The following NRG3 variants were observed in gnomAD, a reference collection of about 807,000 sequenced individuals.
NRG3 encodes the protein pro-neuregulin-3, membrane-bound isoform.
NRG3 carries 31 observed loss-of-function variants against 66.9 expected under a neutral mutation model. The ratio of observed to expected loss-of-function variants is 0.46; its 90% confidence interval spans 0.35 to 0.63. The LOEUF is 0.63. Among genes scored for constraint, NRG3 ranks in the 20% least tolerant of loss-of-function variants. The pLI is 0.00. For synonymous variants in NRG3, 393 were observed against 359.4 expected (o/e 1.09, Z -1.06); for missense variants, 910 against 878.9 (o/e 1.04, Z -0.45).
At position 81,999,377 on chromosome 10, in the gene NRG3, G is replaced by C. The variant is rs530709649; in HGVS notation, c.823+123214G>C. Among the ~76,000 whole-genome samples the C allele has an allele frequency of 3.3e-5, 5 of 152,266 alleles. No individual in the cohort carries two copies. The South Asian group carries it at 1.0e-3, about 32-fold the overall frequency. ...GAAGTACGTTGGTGTTTTCAACTAA[G>C]TTATTTTGAAGAATTGAGATCATTC... is the stretch of plus-strand genomic sequence containing the variant. On this transcript the variant is annotated intron_variant, in intron 1 of 8. Coordinates refer to ENST00000372141, the MANE Select transcript of NRG3 (RefSeq NM_001010848.4).
At chr10:82,873,861 T>G (rs1419662747) in intron 4 of NRG3, among the ~76,000 whole-genome samples, 1 of 152,162 alleles carries the variant, frequency 6.6e-6, no homozygotes, top group Non-Finnish European at 1.5e-5. Flanking sequence ...GTTTTTAGGA[T>G]AGCATAATAT....
At chr10:82,368,945 C>A (rs2084711664) in intron 2 of NRG3, among the ~76,000 whole-genome samples, 1 of 138,260 alleles carries the variant, frequency 7.2e-6, no homozygotes, top group African/African-American at 3.4e-5. Context: ...TCTGCCGAGG[C>A]AATGAGGGAA....
chr10:82,551,045 G>A (rs1344110570), intron 2 of NRG3, among the ~76,000 whole-genome samples: 1 of 151,834 alleles, frequency 6.6e-6, no homozygotes, highest in Non-Finnish European at 1.5e-5. Flanking sequence ...TCTCATTAAC[G>A]ATTCATTAAA....
intron 1 of NRG3, among the ~76,000 whole-genome samples, chr10:82,103,391 A>G (rs1209516186): frequency 6.6e-6 from 1 of 152,158 alleles, no homozygotes; most frequent in Non-Finnish European, 1.5e-5. Context: ...CCTCTGAATG[A>G]TATTGCTTGT....
At chr10:82,498,632 G>C (rs1209621705) in intron 2 of NRG3, among the ~76,000 whole-genome samples, 2 of 152,146 alleles carry the variant, frequency 1.3e-5, no homozygotes, top group Non-Finnish European at 2.9e-5. Context: ...TGGCTGAGAA[G>C]AAAAGGACAT....
At chr10:82,565,914 A>C (rs1156653553) in intron 2 of NRG3, among the ~76,000 whole-genome samples, 1 of 152,112 alleles carries the variant, frequency 6.6e-6, no homozygotes, top group Admixed American at 6.6e-5. Flanking sequence ...CGCATGATAC[A>C]GACTTTAAAA....
chr10:82,964,155 A>G (rs527586863), intron 6 of NRG3, among the ~76,000 whole-genome samples: 67 of 152,342 alleles, frequency 4.4e-4, no homozygotes, highest in Admixed American at 2.0e-3. Context: ...GACAATACCT[A>G]TTAAGGAACA....
chr10:82,682,522 G>C (rs2054182548), intron 2 of NRG3, among the ~76,000 whole-genome samples: 1 of 152,094 alleles, frequency 6.6e-6, no homozygotes, highest in African/African-American at 2.4e-5. Context: ...ATTTAGTTAG[G>C]GTAAATAATA....
chr10:82,082,355 T>A (rs1339958090), intron 1 of NRG3, among the ~76,000 whole-genome samples: 1 of 152,228 alleles, frequency 6.6e-6, no homozygotes, highest in Non-Finnish European at 1.5e-5. Context: ...ATAAAGGACT[T>A]CTAGTTCAAA....
chr10:82,349,583 T>C (rs1433556010), intron 1 of NRG3, among the ~76,000 whole-genome samples: 2 of 151,990 alleles, frequency 1.3e-5, no homozygotes, highest in Non-Finnish European at 2.9e-5. Flanking sequence ...TGAGCTGTGG[T>C]GGGCTCCACC....
At chr10:82,935,754 G>T (rs540061035) in intron 4 of NRG3, among the ~76,000 whole-genome samples, 1 of 152,014 alleles carries the variant, frequency 6.6e-6, no homozygotes, top group Non-Finnish European at 1.5e-5. Context: ...CTCCCATGTA[G>T]CTGGGACTAC....
intron 2 of NRG3, among the ~76,000 whole-genome samples, chr10:82,697,008 T>A (rs1203614731): frequency 2.0e-5 from 3 of 152,230 alleles, no homozygotes; most frequent in African/African-American, 4.8e-5. Flanking sequence ...TGTTTACACT[T>A]GTTTCTCTCT....
intron 1 of NRG3, among the ~76,000 whole-genome samples, chr10:82,020,013 C>A (rs2061987980): frequency 6.6e-6 from 1 of 151,946 alleles, no homozygotes. Flanking sequence ...TTCTCTAGTT[C>A]TTTTAATTGT....
chr10:82,642,534 C>A (rs1487631209), intron 2 of NRG3, among the ~76,000 whole-genome samples: 3 of 151,198 alleles, frequency 2.0e-5, no homozygotes, highest in Non-Finnish European at 4.4e-5. Context: ...TATAGAAAAT[C>A]AGATGATGGA....
At chr10:82,052,732 ATGTT>A (rs1252879979) in intron 1 of NRG3, among the ~76,000 whole-genome samples, 1 of 152,184 alleles carries the variant, frequency 6.6e-6, no homozygotes, top group Non-Finnish European at 1.5e-5. Context: ...TGATATATAA[ATGTT>A]TGAAAAATAT....
chr10:82,272,480 T>C lies in NRG3; in HGVS notation c.824-86259T>C, dbSNP rs371268552. On this transcript the variant is annotated intron_variant, in intron 1 of 8. Transcript: ENST00000372141. ...AGAAAAATAAATTTGATTTTCCAAG[T>C]GTACATGAACACTGAATGCCTGTAG... is the stretch of plus-strand genomic sequence containing the variant. Among the ~76,000 whole-genome samples, 17 of 152,164 alleles carry C rather than the reference T, an allele frequency of 1.1e-4. No homozygotes were observed. The East Asian group carries it at 2.7e-3, about 24-fold the overall frequency.
chr10:82,565,621 G>A (rs544655880), intron 2 of NRG3, among the ~76,000 whole-genome samples: 3 of 151,924 alleles, frequency 2.0e-5, no homozygotes, highest in East Asian at 1.9e-4. Context: ...TTTTTTGATC[G>A]GCACTACCAC....
At chr10:82,182,944 C>T (rs1421320630) in intron 1 of NRG3, among the ~76,000 whole-genome samples, 2 of 151,994 alleles carry the variant, frequency 1.3e-5, no homozygotes, top group African/African-American at 2.4e-5. Flanking sequence ...TATCATCCAA[C>T]TTCATTTTTG....
At chr10:82,255,372 A>G (rs1589484422) in intron 1 of NRG3, among the ~76,000 whole-genome samples, 1 of 152,196 alleles carries the variant, frequency 6.6e-6, no homozygotes, top group African/African-American at 2.4e-5. Context: ...AGAAAAGGAC[A>G]TGGGGTAAAA....
Sources: gnomAD v4.1 joint callset for allele counts (sites outside exome capture counted in the v4.1 genomes callset) on GRCh38, gnomAD v4.1.1 for gene constraint, MANE v1.5 for transcripts, NCBI Gene and HGNC (gene_info 2026-07-23, HGNC 2026-07-21) for gene names.